STPG2: variants seen among roughly 807,000 people sequenced by gnomAD.
STPG2 encodes the protein sperm-tail PG-rich repeat-containing protein 2.
Under a neutral mutation model 54.2 loss-of-function variants are expected in STPG2, and 56 were observed. The observed-to-expected ratio is 1.03, with a 90% CI of 0.83 to 1.29. STPG2 has a LOEUF of 1.29. Ranked by LOEUF, STPG2 falls within the 50% of genes most tolerant of loss-of-function variation. The pLI is 0.00. For synonymous variants in STPG2, 200 were observed against 181.8 expected (o/e 1.10, Z -0.81); for missense variants, 596 against 544.9 (o/e 1.09, Z -0.93).
intron 5 of STPG2, among the ~76,000 whole-genome samples, chr4:98,037,512 A>G (rs1471712078): frequency 6.6e-6 from 1 of 152,092 alleles, no homozygotes; most frequent in Non-Finnish European, 1.5e-5. Flanking sequence ...GTAAAATTTA[A>G]TAAGCATTTC....
chr4:97,705,216 C>A (rs1261006668), intron 10 of STPG2, among the ~76,000 whole-genome samples: 1 of 152,110 alleles, frequency 6.6e-6, no homozygotes, highest in Admixed American at 6.6e-5. Context: ...TATACTGTTT[C>A]CTTTGCCTAG....
chr4:97,451,617 C>T (rs1729366751), intron 4 of STPG2, among the ~76,000 whole-genome samples: 1 of 151,944 alleles, frequency 6.6e-6, no homozygotes, highest in African/African-American at 2.4e-5. Context: ...CCAGAAAATA[C>T]AGAAGGAAAT....
chr4:97,732,821 C>A (rs1372642010), intron 9 of STPG2, among the ~76,000 whole-genome samples: 1 of 150,586 alleles, frequency 6.6e-6, no homozygotes, highest in African/African-American at 2.5e-5. Flanking sequence ...AAATGGCCAA[C>A]AAACATGAAA....
intron 7 of STPG2, among the ~76,000 whole-genome samples, chr4:97,948,520 G>A (rs1022840576): frequency 3.3e-5 from 5 of 152,072 alleles, no homozygotes; most frequent in African/African-American, 1.2e-4. Context: ...TTGTCAGTTT[G>A]TGGTCTTTCA....
chr4:97,991,683 G>A (rs1056900792), intron 5 of STPG2, among the ~76,000 whole-genome samples: 1 of 152,042 alleles, frequency 6.6e-6, no homozygotes, highest in African/African-American at 2.4e-5. Context: ...TTTCCACACT[G>A]TTTTCCATAG....
At chr4:97,461,885 C>T (rs939207164) in intron 4 of STPG2, among the ~76,000 whole-genome samples, 1 of 152,064 alleles carries the variant, frequency 6.6e-6, no homozygotes, top group African/African-American at 2.4e-5. Flanking sequence ...CTTCACTCTT[C>T]TCTGTGTCAT....
intron 7 of STPG2, among the ~76,000 whole-genome samples, chr4:97,969,438 T>C (rs1369983246): frequency 1.3e-5 from 2 of 152,096 alleles, no homozygotes; most frequent in African/African-American, 4.8e-5. Flanking sequence ...CTAAACTTAA[T>C]AACAAATGCT....
intron 4 of STPG2, among the ~76,000 whole-genome samples, chr4:97,546,946 A>G (rs1731846615): frequency 6.6e-6 from 1 of 152,216 alleles, no homozygotes; most frequent in South Asian, 2.1e-4. Context: ...TATAGAAGAG[A>G]CATATAATCC....
At chr4:97,884,030 C>T (rs551096870) in intron 8 of STPG2, among the ~76,000 whole-genome samples, 45 of 152,094 alleles carry the variant, frequency 3.0e-4, no homozygotes, top group African/African-American at 1.1e-3. Flanking sequence ...GCTCTGCACA[C>T]TCATGGGCAA....
At chr4:98,038,597 A>G (rs1330036602) in intron 5 of STPG2, among the ~76,000 whole-genome samples, 3 of 152,064 alleles carry the variant, frequency 2.0e-5, no homozygotes, top group Non-Finnish European at 4.4e-5. Context: ...CTCAGCAAGA[A>G]TTCAAAAGAA....
chr4:97,895,869 C>A (rs573439506), intron 8 of STPG2, among the ~76,000 whole-genome samples: 1 of 151,862 alleles, frequency 6.6e-6, no homozygotes, highest in African/African-American at 2.4e-5. Context: ...CCCAAGGCAT[C>A]CTCCCCAGAA....
intron 8 of STPG2, chr4:97,893,261 A>C (rs1411767570): frequency 1.3e-5 from 2 of 151,986 alleles, no homozygotes; most frequent in Admixed American, 6.6e-5. Context: ...ATAATGGACT[A>C]TTCATTTGGA....
At chr4:97,877,042 G>T (rs1730201204) in intron 8 of STPG2, among the ~76,000 whole-genome samples, 1 of 152,080 alleles carries the variant, frequency 6.6e-6, no homozygotes, top group Non-Finnish European at 1.5e-5. Context: ...TAGAAACATT[G>T]ATAAAACTAA....
intron 9 of STPG2, among the ~76,000 whole-genome samples, chr4:97,799,300 T>G (rs1246163178): frequency 2.6e-5 from 4 of 152,260 alleles, no homozygotes. Context: ...CAGTTTGGCA[T>G]GTTTTTGCAG....
intron 7 of STPG2, among the ~76,000 whole-genome samples, chr4:97,958,953 A>G (rs1733787921): frequency 2.0e-5 from 3 of 152,222 alleles, no homozygotes; most frequent in African/African-American, 7.2e-5. Context: ...ATGTTCTCCA[A>G]GATAGACCAT....
chr4:97,636,017 C>T (rs563101782), intron 10 of STPG2, among the ~76,000 whole-genome samples: 1 of 152,252 alleles, frequency 6.6e-6, no homozygotes, highest in African/African-American at 2.4e-5. Flanking sequence ...GAACTCTCCA[C>T]CCCAAATCAA....
chr4:97,941,017 T>C (rs1732959202), intron 8 of STPG2, among the ~76,000 whole-genome samples: 1 of 152,156 alleles, frequency 6.6e-6, no homozygotes, highest in African/African-American at 2.4e-5. Context: ...TATGAACTAT[T>C]GCATGTCAGA....
At chr4:97,740,396 C>T (rs1397809476) in intron 9 of STPG2, among the ~76,000 whole-genome samples, 1 of 152,012 alleles carries the variant, frequency 6.6e-6, no homozygotes, top group Non-Finnish European at 1.5e-5. Context: ...AAAGGGTATT[C>T]AATTAGGAAA....
intron 10 of STPG2, among the ~76,000 whole-genome samples, chr4:97,598,960 A>G (rs1157384060): frequency 6.6e-6 from 1 of 152,090 alleles, no homozygotes; most frequent in Non-Finnish European, 1.5e-5. Context: ...TCTGCCAGCA[A>G]AAGATTTCAA....
Sources: allele counts gnomAD v4.1 joint callset (sites outside exome capture counted in the v4.1 genomes callset), GRCh38; gene constraint gnomAD v4.1.1; transcripts MANE v1.5; gene names NCBI Gene and HGNC (gene_info 2026-07-23, HGNC 2026-07-21).